Variants in GNAZ observed in about 807,000 individuals in gnomAD.
GNAZ encodes G protein subunit alpha z.
In GNAZ, 3 loss-of-function variants were observed where a neutral mutation model predicts 25.4. The observed-to-expected ratio is 0.12, with a 90% CI of 0.05 to 0.30. The LOEUF (loss-of-function observed/expected upper bound fraction) is 0.30. GNAZ is among the 10% of genes least tolerant of loss of function. The pLI is 1.00. For missense variants in GNAZ, 241 were observed against 501.8 expected (o/e 0.48, Z 4.97); for synonymous variants, 211 against 205.7 (o/e 1.03, Z -0.22).
At position 23,095,658 on chromosome 22, in the gene GNAZ, A is replaced by G. The variant is rs777764724; in HGVS notation, c.-38A>G. 29 of 1,565,708 alleles carry G rather than the reference A, an allele frequency of 1.9e-5. No individual in the cohort carries two copies. Among genetic ancestry groups the G allele is most frequent in the Non-Finnish European group, 2.5e-5 (29 of 1,157,952 alleles). ...CTGTGGCAAGAGGGAGAGGTGCCCC[A>G]TCCCGTGCTCCTTGTCTGGGCCCGC... On this transcript the variant is annotated 5_prime_UTR_variant, in exon 2 of 3. Transcript: ENST00000615612.
intron 2 of GNAZ, among the ~76,000 whole-genome samples, chr22:23,104,273 G>T (rs924623107): frequency 6.6e-6 from 1 of 152,212 alleles, no homozygotes; most frequent in East Asian, 1.9e-4. Flanking sequence ...CCAGTCCCCA[G>T]TGTGGCCCAG....
chr22:23,098,850 C>T (rs573010339), intron 2 of GNAZ, among the ~76,000 whole-genome samples: 23 of 152,366 alleles, frequency 1.5e-4, no homozygotes, highest in South Asian at 2.1e-4. Context: ...GAGGACAGCC[C>T]GTCTCCAGCC....
chr22:23,117,144 TA>T (rs2069864592), intron 2 of GNAZ, among the ~76,000 whole-genome samples: 2 of 152,146 alleles, frequency 1.3e-5, no homozygotes, highest in African/African-American at 4.8e-5. Flanking sequence ...CCAGACCTGT[TA>T]CCAGGAACGT....
intron 2 of GNAZ, among the ~76,000 whole-genome samples, chr22:23,103,523 G>A (rs1238305579): frequency 3.3e-5 from 5 of 152,148 alleles, no homozygotes; most frequent in African/African-American, 2.4e-5. Context: ...GCATCTGTTC[G>A]TGTTTACCCC....
intron 2 of GNAZ, among the ~76,000 whole-genome samples, chr22:23,113,183 G>A (rs2069705127): frequency 6.6e-6 from 1 of 152,206 alleles, no homozygotes. Flanking sequence ...AGACAGCTGA[G>A]TGTTCTGACG....
At chr22:23,075,866 G>A (rs1319580427) in intron 1 of GNAZ, among the ~76,000 whole-genome samples, 1 of 152,120 alleles carries the variant, frequency 6.6e-6, no homozygotes. Flanking sequence ...TGTGAGTCAC[G>A]GAGGCCAAGG....
chr22:23,083,990 A>G (rs2068746918), intron 1 of GNAZ, among the ~76,000 whole-genome samples: 1 of 152,040 alleles, frequency 6.6e-6, no homozygotes, highest in South Asian at 2.1e-4. Context: ...GGTGGGTGGG[A>G]GATGCAGCCA....
At chr22:23,103,340 G>A (rs1261158319) in intron 2 of GNAZ, among the ~76,000 whole-genome samples, 2 of 152,192 alleles carry the variant, frequency 1.3e-5, no homozygotes, top group Non-Finnish European at 2.9e-5. Flanking sequence ...ACCACAGCCA[G>A]TGACTCCCAA....
At chr22:23,115,102 A>C (rs1025611562) in intron 2 of GNAZ, among the ~76,000 whole-genome samples, 1 of 152,180 alleles carries the variant, frequency 6.6e-6, no homozygotes, top group African/African-American at 2.4e-5. Context: ...TGGCCACAGC[A>C]AACTGCATGG....
At chr22:23,087,723 T>C (rs1186445286) in intron 1 of GNAZ, among the ~76,000 whole-genome samples, 2 of 152,152 alleles carry the variant, frequency 1.3e-5, no homozygotes, top group Non-Finnish European at 2.9e-5. Flanking sequence ...GAATTGAAAC[T>C]GTCTTCTTGT....
In GNAZ at chr22:23,124,998, T is replaced by G. The variant is rs1034022368; in HGVS notation, c.*1567T>G. 1 of 152,244 alleles carries G rather than the reference T, an allele frequency of 6.6e-6. No individual in the cohort carries two copies. Among genetic ancestry groups the G allele is most frequent in the Non-Finnish European group, 1.5e-5 (1 of 68,114 alleles). 9.4% of individuals were successfully genotyped at this position (152,244 alleles called of 1,614,324 possible). ...TGGGGATTGGATGAAAGTCAAAGGT[T>G]GTCTACTTTAAGAAAATAAAATACC... On this transcript the variant is annotated 3_prime_UTR_variant, in exon 3 of 3. Transcript: ENST00000615612.
At chr22:23,083,173 A>G (rs1163808903) in intron 1 of GNAZ, among the ~76,000 whole-genome samples, 1 of 152,114 alleles carries the variant, frequency 6.6e-6, no homozygotes, top group Non-Finnish European at 1.5e-5. Context: ...GGAGAGGGGC[A>G]GGTGTGATGC....
At chr22:23,097,894 G>A (rs951710796) in intron 2 of GNAZ, among the ~76,000 whole-genome samples, 37 of 152,244 alleles carry the variant, frequency 2.4e-4, no homozygotes, top group African/African-American at 7.5e-4. Context: ...AGTGGCAGGC[G>A]TGGCAAATTC....
intron 1 of GNAZ, among the ~76,000 whole-genome samples, chr22:23,084,234 A>G (rs983199430): frequency 2.0e-5 from 3 of 152,200 alleles, no homozygotes; most frequent in Non-Finnish European, 4.4e-5. Flanking sequence ...TTTTCAGGTT[A>G]TGGTGCAAAA....
chr22:23,119,167 G>C (rs887774231), intron 2 of GNAZ, among the ~76,000 whole-genome samples: 4 of 152,210 alleles, frequency 2.6e-5, no homozygotes, highest in African/African-American at 9.7e-5. Context: ...TTGCCCACCT[G>C]TCTGCACTCC....
rs897654405 is a variant in GNAZ at position 23,124,360 on chromosome 22, G to T, written c.*929G>T. 3 of 458,206 alleles carry T rather than the reference G, an allele frequency of 6.5e-6. No individual in the cohort carries two copies. Among genetic ancestry groups the T allele is most frequent in the African/African-American group, 2.0e-5 (1 of 49,712 alleles). 28.4% of individuals were successfully genotyped at this position (458,206 alleles called of 1,614,324 possible). ...GTCTTTTTTGTGTCTGGCTTGCTGA[G>T]TGTAAAAGTTGTTATCTGGACGATC... On this transcript the variant is annotated 3_prime_UTR_variant, in exon 3 of 3. Transcript: ENST00000615612.
intron 1 of GNAZ, among the ~76,000 whole-genome samples, chr22:23,076,306 C>T (rs55905897): frequency 0.042 from 6,353 of 152,286 alleles, 188 homozygotes; most frequent in Middle Eastern, 0.071. Context: ...AGGGACGTTG[C>T]GGAGTCACCA....
intron 1 of GNAZ, among the ~76,000 whole-genome samples, chr22:23,082,277 C>T (rs1337707679): frequency 2.0e-5 from 3 of 151,250 alleles, no homozygotes; most frequent in Middle Eastern, 3.2e-3. Context: ...AGTGTAATGG[C>T]GCGATCTCGG....
chr22:23,074,041 G>C (rs898656410), intron 1 of GNAZ, among the ~76,000 whole-genome samples: 2 of 152,214 alleles, frequency 1.3e-5, no homozygotes, highest in African/African-American at 4.8e-5. Flanking sequence ...CTGGCCCCTG[G>C]AGGCCCCACC....
Sources: gnomAD v4.1 joint callset for allele counts (sites outside exome capture counted in the v4.1 genomes callset) on GRCh38, gnomAD v4.1.1 for gene constraint, MANE v1.5 for transcripts, NCBI Gene and HGNC (gene_info 2026-07-23, HGNC 2026-07-21) for gene names.